The following CA10 variants were observed in gnomAD, a reference collection of about 807,000 sequenced individuals.
The protein encoded by CA10 is carbonic anhydrase-related protein 10.
A neutral mutation model predicts 44.2 loss-of-function variants in CA10; 14 were observed. The observed-to-expected ratio is 0.32, with a 90% CI of 0.21 to 0.50. CA10 has a LOEUF of 0.50. Among genes scored for constraint, CA10 ranks in the 20% least tolerant of loss-of-function variants. The pLI is 0.99. For synonymous variants in CA10, 159 were observed against 141.6 expected, an observed-to-expected ratio of 1.12 and a Z score of -0.87; for missense variants, 350 against 409.7, an observed-to-expected ratio of 0.85 and a Z score of 1.26.
chr17:51,641,562 T>C (rs11653153), intron 6 of CA10, among the ~76,000 whole-genome samples: 64,648 of 152,036 alleles, frequency 0.43, 14,419 homozygotes, highest in Non-Finnish European at 0.48. Context: ...TATATGTGTG[T>C]ATTTTATCAC....
intron 2 of CA10, among the ~76,000 whole-genome samples, chr17:51,947,241 A>G (rs1598133385): frequency 6.6e-6 from 1 of 151,120 alleles, no homozygotes; most frequent in Non-Finnish European, 1.5e-5. Flanking sequence ...AAAAAAAAAA[A>G]AAAAAAGCCA....
chr17:51,789,727 G>A (rs765152727), intron 3 of CA10, among the ~76,000 whole-genome samples: 3 of 152,168 alleles, frequency 2.0e-5, no homozygotes, highest in African/African-American at 2.4e-5. Flanking sequence ...CACATGCCAA[G>A]TGCTCATACA....
At chr17:52,008,475 A>G (rs1392980114) in intron 2 of CA10, among the ~76,000 whole-genome samples, 1 of 151,866 alleles carries the variant, frequency 6.6e-6, no homozygotes, top group Non-Finnish European at 1.5e-5. Context: ...TAGGAAAACT[A>G]AATAATTTAC....
chr17:51,650,336 C>A (rs1373262532), intron 5 of CA10, among the ~76,000 whole-genome samples: 2 of 152,156 alleles, frequency 1.3e-5, no homozygotes. Context: ...TGTTGTGACA[C>A]ATCAACATTT....
At chr17:52,062,983 G>A (rs1027114428) in intron 2 of CA10, among the ~76,000 whole-genome samples, 8 of 152,238 alleles carry the variant, frequency 5.3e-5, no homozygotes, top group African/African-American at 1.9e-4. Flanking sequence ...AATGTGGGCT[G>A]CACCCAGAAA....
rs576521174 is a variant in CA10, at chr17:52,111,083, C to G, written c.62-38690G>C. ...CAAAGCCAGCATGAATAGCTTTTGTCTCATCCGCATATTCAAAATCTTTGG... is the reference window on the plus strand; with the variant it reads ...CAAAGCCAGCATGAATAGCTTTTGTGTCATCCGCATATTCAAAATCTTTGG... On this transcript the variant is annotated intron_variant, in intron 1 of 8. Transcript: ENST00000451037. Among the ~76,000 whole-genome samples, 55 of 152,306 alleles carry G rather than the reference C, an allele frequency of 3.6e-4. No homozygotes were observed. In the South Asian group the frequency reaches 0.011, roughly 30 times the overall value.
At chr17:51,718,102 C>T (rs953475613) in intron 4 of CA10, among the ~76,000 whole-genome samples, 1 of 150,900 alleles carries the variant, frequency 6.6e-6, no homozygotes, top group African/African-American at 2.4e-5. Context: ...AAAAGACATA[C>T]AAATATGGTG....
At chr17:51,944,687 A>G (rs1983209117) in intron 2 of CA10, among the ~76,000 whole-genome samples, 1 of 152,146 alleles carries the variant, frequency 6.6e-6, no homozygotes, top group Non-Finnish European at 1.5e-5. Flanking sequence ...GGAGGGACAA[A>G]AAAATAACCA....
chr17:51,731,157 T>C (rs1916700841), intron 4 of CA10, among the ~76,000 whole-genome samples: 1 of 152,078 alleles, frequency 6.6e-6, no homozygotes, highest in African/African-American at 2.4e-5. Flanking sequence ...GGTGGGTAGA[T>C]CATGAGGTCA....
intron 2 of CA10, among the ~76,000 whole-genome samples, chr17:52,020,228 G>C (rs1050585869): frequency 2.6e-5 from 4 of 151,820 alleles, no homozygotes; most frequent in Non-Finnish European, 5.9e-5. Context: ...TATATTTTCA[G>C]ATATTTTTGG....
chr17:52,075,240 C>A (rs540570161), intron 1 of CA10, among the ~76,000 whole-genome samples: 2 of 152,112 alleles, frequency 1.3e-5, no homozygotes, highest in Non-Finnish European at 2.9e-5. Flanking sequence ...ATGTAAATAC[C>A]TGGGCATGGT....
At chr17:51,825,785 TAAAGG>T (rs1907985496) in intron 3 of CA10, among the ~76,000 whole-genome samples, 1 of 152,234 alleles carries the variant, frequency 6.6e-6, no homozygotes, top group South Asian at 2.1e-4. Context: ...TCTTCCATGA[TAAAGG>T]AAACACAACA....
chr17:52,013,470 A>G (rs1229833637), intron 2 of CA10, among the ~76,000 whole-genome samples: 6 of 152,012 alleles, frequency 3.9e-5, no homozygotes, highest in African/African-American at 1.4e-4. Flanking sequence ...TGGGTGTATT[A>G]AACAACAGCT....
chr17:51,971,714 T>C (rs1052464115), intron 2 of CA10, among the ~76,000 whole-genome samples: 2 of 152,076 alleles, frequency 1.3e-5, no homozygotes, highest in Non-Finnish European at 2.9e-5. Flanking sequence ...ATTTCTACCA[T>C]TTTAAAAAGA....
chr17:51,664,502 C>T (rs925218211), intron 4 of CA10, among the ~76,000 whole-genome samples: 2 of 150,226 alleles, frequency 1.3e-5, no homozygotes, highest in Admixed American at 6.6e-5. Flanking sequence ...ATAGAGCTAA[C>T]CAAATTAACA....
At chr17:51,894,389 A>G (rs896780555) in intron 3 of CA10, among the ~76,000 whole-genome samples, 1 of 152,084 alleles carries the variant, frequency 6.6e-6, no homozygotes, top group Non-Finnish European at 1.5e-5. Context: ...GCATTAAAAA[A>G]ATTGCAGCAC....
At chr17:52,076,404 A>G (rs1040908192) in intron 1 of CA10, among the ~76,000 whole-genome samples, 1 of 152,212 alleles carries the variant, frequency 6.6e-6, no homozygotes, top group Non-Finnish European at 1.5e-5. Context: ...TTTAGCAGGT[A>G]ATAAGACAAT....
chr17:51,891,150 G>A (rs1469516404), intron 3 of CA10, among the ~76,000 whole-genome samples: 2 of 152,264 alleles, frequency 1.3e-5, no homozygotes, highest in South Asian at 2.1e-4. Flanking sequence ...CTACTACTAC[G>A]CATTCATTAC....
chr17:52,105,910 G>GA (rs1283295958), intron 1 of CA10, among the ~76,000 whole-genome samples: 1 of 152,206 alleles, frequency 6.6e-6, no homozygotes, highest in African/African-American at 2.4e-5. Flanking sequence ...AATATTGCAT[G>GA]AAAAGTGTTT....
Sources: gnomAD v4.1 joint callset for allele counts (sites outside exome capture counted in the v4.1 genomes callset) on GRCh38, gnomAD v4.1.1 for gene constraint, MANE v1.5 for transcripts, NCBI Gene and HGNC (gene_info 2026-07-23, HGNC 2026-07-21) for gene names.